The following LINGO2 variants were observed in gnomAD, a reference collection of about 807,000 sequenced individuals.
The protein encoded by LINGO2 is leucine rich repeat and Ig domain containing 2, also known as leucine-rich repeat and immunoglobulin-like domain-containing nogo receptor-interacting protein 2.
LINGO2 carries 14 observed loss-of-function variants against 30.6 expected under a neutral mutation model. The ratio of observed to expected loss-of-function variants is 0.46; its 90% confidence interval spans 0.30 to 0.72. The LOEUF (loss-of-function observed/expected upper bound fraction) is 0.72. Among genes scored for constraint, LINGO2 ranks in the 30% least tolerant of loss-of-function variants. The pLI, the probability that LINGO2 is intolerant of heterozygous loss-of-function variation, is 0.07. For synonymous variants in LINGO2, 317 were observed against 288.5 expected, an observed-to-expected ratio of 1.10 and a Z score of -1.00; for missense variants, 729 against 751.7, an observed-to-expected ratio of 0.97 and a Z score of 0.35.
chr9:28,885,932 G>C, the LINGO2 span, among the ~76,000 whole-genome samples: 6,249 of 152,182 alleles, frequency 0.041, 195 homozygotes, highest in Admixed American at 0.082. Context: ...AAGCGCCATT[G>C]AACTTGCCTA....
chr9:28,156,144 TTCTGGA>T (rs750270767), intron 4 of LINGO2, among the ~76,000 whole-genome samples: 14 of 152,226 alleles, frequency 9.2e-5, no homozygotes, highest in Non-Finnish European at 1.8e-4. Flanking sequence ...TATCTTTGTT[TTCTGGA>T]TCTAAATGAT....
intron 4 of LINGO2, among the ~76,000 whole-genome samples, chr9:28,092,508 G>T (rs1195203821): frequency 1.4e-5 from 2 of 141,356 alleles, no homozygotes; most frequent in African/African-American, 5.2e-5. Flanking sequence ...AGAACACTTA[G>T]ACACAGAAAG....
chr9:28,272,694 C>A lies in LINGO2; in HGVS notation c.-87+22514G>T, dbSNP rs184629172. ...TTCTGCCCTTGAACCTCAACTTCAA[C>A]AAACTACAAGGCTTATAAAAACAAC... is the stretch of plus-strand genomic sequence containing the variant. On this transcript the variant is annotated intron_variant, in intron 4 of 5. Transcript: ENST00000379992. Among the ~76,000 whole-genome samples, 9 of 152,164 alleles carry A rather than the reference C, an allele frequency of 5.9e-5. No individual in the cohort carries two copies. The East Asian group carries it at 1.7e-3, about 29-fold the overall frequency.
intron 4 of LINGO2, among the ~76,000 whole-genome samples, chr9:28,088,231 CACACACAT>C (rs746903759): frequency 6.8e-5 from 9 of 133,238 alleles, no homozygotes; most frequent in African/African-American, 1.7e-4. Context: ...CACACACACA[CACACACAT>C]ATAATGGTTT....
chr9:27,978,103 C>A (rs1260775128), intron 5 of LINGO2, among the ~76,000 whole-genome samples: 3 of 152,010 alleles, frequency 2.0e-5, no homozygotes, highest in Admixed American at 6.6e-5. Flanking sequence ...TGTGTGGGTT[C>A]TTTGTCCTTT....
At chr9:27,978,178 T>A (rs1421468763) in intron 5 of LINGO2, among the ~76,000 whole-genome samples, 1 of 152,048 alleles carries the variant, frequency 6.6e-6, no homozygotes, top group Non-Finnish European at 1.5e-5. Context: ...TTGGCGCTGA[T>A]CCTATCCTGA....
chr9:28,906,097 A>G, the LINGO2 span, among the ~76,000 whole-genome samples: 1 of 152,014 alleles, frequency 6.6e-6, no homozygotes, highest in Non-Finnish European at 1.5e-5. Flanking sequence ...TATGGAATCT[A>G]AAAACATGGA....
At chr9:29,120,203 A>G in the LINGO2 span, among the ~76,000 whole-genome samples, 2 of 152,092 alleles carry the variant, frequency 1.3e-5, no homozygotes, top group Non-Finnish European at 2.9e-5. Flanking sequence ...TCACTGTGAG[A>G]CCCTGGCAGT....
At chr9:28,218,917 T>C (rs886878470) in intron 4 of LINGO2, among the ~76,000 whole-genome samples, 6 of 152,192 alleles carry the variant, frequency 3.9e-5, no homozygotes, top group African/African-American at 1.4e-4. Flanking sequence ...TACTTCTGAG[T>C]GCCACTTATT....
the LINGO2 span, among the ~76,000 whole-genome samples, chr9:28,802,109 A>G: frequency 6.6e-6 from 1 of 151,950 alleles, no homozygotes; most frequent in Non-Finnish European, 1.5e-5. Context: ...ACGAATGTTT[A>G]TAATAGTTTA....
chr9:28,164,076 C>T (rs1377044), intron 4 of LINGO2, among the ~76,000 whole-genome samples: 40,144 of 151,972 alleles, frequency 0.26, 6,023 homozygotes, highest in East Asian at 0.37. Flanking sequence ...CTATTTTTGG[C>T]TTACATGTAA....
the LINGO2 span, among the ~76,000 whole-genome samples, chr9:28,705,715 C>T: frequency 3.3e-5 from 5 of 152,118 alleles, no homozygotes; most frequent in Non-Finnish European, 4.4e-5. Flanking sequence ...TGAATGTCCT[C>T]GCTGGACTAT....
chr9:29,080,965 C>T, the LINGO2 span, among the ~76,000 whole-genome samples: 16 of 151,796 alleles, frequency 1.1e-4, no homozygotes, highest in African/African-American at 2.9e-4. Context: ...CTATTAGGTC[C>T]GCTTGGTGCT....
At chr9:28,773,326 CT>C in the LINGO2 span, among the ~76,000 whole-genome samples, 1 of 148,498 alleles carries the variant, frequency 6.7e-6, no homozygotes, top group Non-Finnish European at 1.5e-5. Context: ...GATCGTGCCA[CT>C]GCACTCCAGC....
At chr9:28,745,999 C>G in the LINGO2 span, among the ~76,000 whole-genome samples, 1 of 151,892 alleles carries the variant, frequency 6.6e-6, no homozygotes, top group Non-Finnish European at 1.5e-5. Flanking sequence ...GATAAAAATA[C>G]ACAAACTATC....
intron 2 of LINGO2, among the ~76,000 whole-genome samples, chr9:28,387,483 C>A (rs1470470956): frequency 2.0e-5 from 3 of 152,200 alleles, no homozygotes; most frequent in Non-Finnish European, 2.9e-5. Context: ...CAGCAACCTC[C>A]TGGGGGCCCC....
At chr9:28,171,218 G>A (rs1313523079) in intron 4 of LINGO2, among the ~76,000 whole-genome samples, 1 of 152,196 alleles carries the variant, frequency 6.6e-6, no homozygotes, top group Non-Finnish European at 1.5e-5. Context: ...AAATTGGAAG[G>A]AGAGGTGGGT....
chr9:29,176,356 G>A, the LINGO2 span, among the ~76,000 whole-genome samples: 3 of 152,240 alleles, frequency 2.0e-5, no homozygotes, highest in Admixed American at 6.5e-5. Context: ...GCTAATACCC[G>A]AAACATAGCT....
At chr9:28,915,773 A>T in the LINGO2 span, among the ~76,000 whole-genome samples, 1 of 152,210 alleles carries the variant, frequency 6.6e-6, no homozygotes, top group Admixed American at 6.5e-5. Context: ...ACCAAGATAA[A>T]TAAGATATGT....
Sources: gnomAD v4.1 joint callset for allele counts (sites outside exome capture counted in the v4.1 genomes callset) on GRCh38, gnomAD v4.1.1 for gene constraint, MANE v1.5 for transcripts, NCBI Gene and HGNC (gene_info 2026-07-23, HGNC 2026-07-21) for gene names.